Variants in YAP1 observed in about 807,000 individuals in gnomAD.
YAP1 encodes the protein Yes1 associated transcriptional regulator.
Under a neutral mutation model 56.9 loss-of-function variants are expected in YAP1, and 5 were observed. That is an observed-to-expected ratio of 0.09 (90% CI 0.05 to 0.18). The LOEUF (loss-of-function observed/expected upper bound fraction) is 0.18, where lower values mean the gene tolerates loss of function less well. YAP1 is among the 10% of genes least tolerant of loss of function. The pLI is 1.00. For synonymous variants in YAP1, 265 were observed against 248.1 expected, an observed-to-expected ratio of 1.07 and a Z score of -0.64; for missense variants, 539 against 651.8, an observed-to-expected ratio of 0.83 and a Z score of 1.88.
intron 6 of YAP1, among the ~76,000 whole-genome samples, chr11:102,220,345 C>T (rs1001709011): frequency 2.6e-5 from 4 of 152,072 alleles, no homozygotes; most frequent in Admixed American, 1.3e-4. Flanking sequence ...ATAAGTGGTA[C>T]TAGGGTCCAT....
chr11:102,132,057 G>T (rs1293201078), intron 2 of YAP1, among the ~76,000 whole-genome samples: 2 of 152,142 alleles, frequency 1.3e-5, no homozygotes, highest in Non-Finnish European at 2.9e-5. Context: ...GGTGGAGGTT[G>T]CAGTGAGCTG....
intron 6 of YAP1, among the ~76,000 whole-genome samples, chr11:102,217,072 C>G (rs1463665917): frequency 1.3e-5 from 2 of 152,260 alleles, no homozygotes; most frequent in East Asian, 3.9e-4. Flanking sequence ...CAGGGTGGTT[C>G]ATAAAAGAAA....
chr11:102,138,201 C>A (rs1269506632), intron 2 of YAP1, among the ~76,000 whole-genome samples: 1 of 152,198 alleles, frequency 6.6e-6, no homozygotes. Flanking sequence ...GAACTAAGTT[C>A]TTTGGTGCAT....
rs112417656 is a variant in YAP1 at position 102,205,986 on chromosome 11, A to C, written c.896A>C (p.Asn299Thr). Reference protein sequence around the residue: ...SPQGGVMGGSNSNQQQQMRLQ... With the variant: ...SPQGGVMGGSTSNQQQQMRLQ... ...CAGGGAGGCGTCATGGGTGGCAGCA[A>C]CTCCAACCAGCAGCAACAGATGCGA... is the stretch of plus-strand genomic sequence containing the variant. The change falls in exon 5 of 9, where the codon AAC (asparagine) becomes ACC (threonine). Residue 299 changes from asparagine to threonine, a missense_variant. Physicochemically the swap from Asn to Thr is moderately conservative, Grantham distance 65. This residue lies in a region of YAP1 where 414 missense variants were observed against 512.4 expected (regional missense o/e 0.81). Transcript: ENST00000282441. The C allele has an allele frequency of 6.2e-7, 1 of 1,613,782 alleles. No individual in the cohort carries two copies. The highest frequency in any genetic ancestry group is 1.1e-5 in the South Asian group (1 of 91,030).
At chr11:102,127,502 G>A (rs998271214) in intron 2 of YAP1, among the ~76,000 whole-genome samples, 2 of 152,096 alleles carry the variant, frequency 1.3e-5, no homozygotes, top group African/African-American at 2.4e-5. Flanking sequence ...AAGAATTCAG[G>A]TTTGGGAACC....
At position 102,123,647 on chromosome 11, in the gene YAP1, T is replaced by TTTTTTTTTTTTC. The variant is rs1565429580; in HGVS notation, c.572+9262_572+9263insTTCTTTTTTTTT. On this transcript the variant is annotated intron_variant, in intron 2 of 8. Coordinates refer to ENST00000282441, the MANE Select transcript of YAP1 (RefSeq NM_001130145.3). ...GTTTTCTTTTCTTTTTTTTTTTTTC[T>TTTTTTTTTTTTC]TTTTTTTTTCGAGACACAGTCTTGC... 1.2e-3 allele frequency among the ~76,000 whole-genome samples: 145 copies of TTTTTTTTTTTTC among 125,260 alleles called. 2 individuals carry two copies. Among genetic ancestry groups the TTTTTTTTTTTTC allele is most frequent in the Non-Finnish European group, 1.4e-3 (84 of 58,426 alleles). 82.2% of individuals were successfully genotyped at this position (125,260 alleles called of 152,430 possible).
At chr11:102,184,314 T>C (rs1947830772) in intron 3 of YAP1, among the ~76,000 whole-genome samples, 1 of 152,218 alleles carries the variant, frequency 6.6e-6, no homozygotes, top group Non-Finnish European at 1.5e-5. Flanking sequence ...GAGTTCTGTC[T>C]TTCTGGGGAG....
chr11:102,167,625 T>A (rs571389561), intron 3 of YAP1, among the ~76,000 whole-genome samples: 1 of 152,122 alleles, frequency 6.6e-6, no homozygotes, highest in Non-Finnish European at 1.5e-5. Context: ...TCTCAGTGAC[T>A]CCGGAGGCTG....
At chr11:102,227,359 T>C (rs1950243043) in intron 7 of YAP1, 110 bp from the exon 8 acceptor site, 1 of 754,250 alleles carries the variant, frequency 1.3e-6, no homozygotes, top group Non-Finnish European at 2.2e-6. Context: ...GACAGGAATT[T>C]TCACTAATCC....
chr11:102,148,920 A>G, intron 2 of YAP1, among the ~76,000 whole-genome samples: 1 of 152,162 alleles, frequency 6.6e-6, no homozygotes, highest in East Asian at 1.9e-4. Flanking sequence ...AATATTGCCA[A>G]ACAGTTCTCT....
chr11:102,212,407 C>T (rs1007273841), intron 6 of YAP1, among the ~76,000 whole-genome samples: 2 of 151,948 alleles, frequency 1.3e-5, no homozygotes, highest in African/African-American at 4.8e-5. Flanking sequence ...TGAAAAATTC[C>T]AAGATCCATG....
intron 4 of YAP1, among the ~76,000 whole-genome samples, chr11:102,188,014 G>A (rs1436151689): frequency 6.6e-6 from 1 of 152,176 alleles, no homozygotes; most frequent in Non-Finnish European, 1.5e-5. Flanking sequence ...GAGCTCAAGT[G>A]TAACTGAAGG....
intron 4 of YAP1, among the ~76,000 whole-genome samples, chr11:102,193,053 C>T (rs1171562602): frequency 6.6e-6 from 1 of 152,126 alleles, no homozygotes; most frequent in East Asian, 1.9e-4. Flanking sequence ...AAGATGATGC[C>T]TTGTTGGTAC....
In YAP1 at chr11:102,184,950, AAGT is replaced by A. The variant is rs746916286; in HGVS notation, c.689-1063_689-1061del. 2.6e-5 allele frequency among the ~76,000 whole-genome samples: 4 copies of A among 152,364 alleles called. No homozygotes were observed. The East Asian group carries it at 7.7e-4, about 29-fold the overall frequency. On this transcript the variant is annotated intron_variant, in intron 3 of 8. Coordinates refer to ENST00000282441, the MANE Select transcript of YAP1 (RefSeq NM_001130145.3). ...TGTGCCTCAGTTTCCTCATTAGAAT[AAGT>A]AGTACTACTGCTTATGTCATTTGTT...
Position 102,186,103 on chromosome 11 carries a change from G to C in YAP1, c.774G>C (p.Trp258Cys). Residue 258 changes from tryptophan to cysteine, a missense_variant, in exon 4 of 9, where the codon TGG becomes TGC. Transcript: ENST00000282441. ...ACCATAAGAACAAGACCACCTCTTG[G>C]CTAGACCCAAGGCTTGACCCTCGTT... ...YINHKNKTTS[W>C]LDPRLDPRFA... is the part of the protein sequence containing the mutation. 2 of 1,613,044 alleles carry C rather than the reference G, an allele frequency of 1.2e-6. No homozygotes were observed. Among genetic ancestry groups the C allele is most frequent in the Non-Finnish European group, 1.7e-6 (2 of 1,179,508 alleles).
At chr11:102,116,159 T>G (rs185292133) in intron 2 of YAP1, among the ~76,000 whole-genome samples, 1 of 152,216 alleles carries the variant, frequency 6.6e-6, no homozygotes, top group African/African-American at 2.4e-5. Context: ...CAACCTCTGA[T>G]TGAAAATATT....
intron 3 of YAP1, among the ~76,000 whole-genome samples, chr11:102,172,291 C>G (rs1209865899): frequency 7.0e-6 from 1 of 142,770 alleles, no homozygotes; most frequent in Admixed American, 7.1e-5. Flanking sequence ...AAAGGAAGAA[C>G]AGTGAAGAAT....
chr11:102,139,720 C>A (rs539915704), intron 2 of YAP1, among the ~76,000 whole-genome samples: 19 of 152,204 alleles, frequency 1.2e-4, no homozygotes, highest in Middle Eastern at 3.4e-3. Flanking sequence ...GTTTTACTTA[C>A]GCTTATAAAA....
intron 6 of YAP1, among the ~76,000 whole-genome samples, chr11:102,211,282 CTGT>C (rs1250538945): frequency 6.6e-6 from 1 of 151,996 alleles, no homozygotes; most frequent in Non-Finnish European, 1.5e-5. Context: ...TAAATCTTTA[CTGT>C]TATTAAAATT....
Sources: gnomAD v4.1 joint callset for allele counts (sites outside exome capture counted in the v4.1 genomes callset) on GRCh38, gnomAD v4.1.1 for gene constraint, gnomAD v4.1.1 regional missense constraint, MANE v1.5 for transcripts, NCBI Gene and HGNC (gene_info 2026-07-23, HGNC 2026-07-21) for gene names.